The following MYO16 variants were observed in gnomAD, a reference collection of about 807,000 sequenced individuals.
MYO16 encodes unconventional myosin-XVI.
In MYO16, 94 loss-of-function variants were observed where a neutral mutation model predicts 205.3. The observed-to-expected ratio is 0.46, with a 90% CI of 0.39 to 0.54. The LOEUF (loss-of-function observed/expected upper bound fraction) is 0.54. Among genes scored for constraint, MYO16 ranks in the 20% least tolerant of loss-of-function variants. The pLI, the probability that MYO16 is intolerant of heterozygous loss-of-function variation, is 0.00. For synonymous variants in MYO16, 988 were observed against 954.0 expected, an observed-to-expected ratio of 1.04 and a Z score of -0.66; for missense variants, 2,315 against 2,387.5, an observed-to-expected ratio of 0.97 and a Z score of 0.63.
chr13:109,071,267 T>A (rs9301346), intron 27 of MYO16, among the ~76,000 whole-genome samples: 74,820 of 151,964 alleles, frequency 0.49, 18,510 homozygotes, highest in Middle Eastern at 0.54. Flanking sequence ...TTTTATAAGT[T>A]CCCAACTACT....
intron 15 of MYO16, among the ~76,000 whole-genome samples, chr13:108,898,351 AGTGTGTGTGTGTGTGTGTGTGT>A (rs3042037): frequency 3.4e-5 from 5 of 144,992 alleles, no homozygotes; most frequent in Admixed American, 1.4e-4. Flanking sequence ...AGGGTGTGTG[AGTGTGTGTGTGTGTGTGTGTGT>A]GTGTGTGTGT....
chr13:109,000,205 C>T (rs1185509322), intron 21 of MYO16, among the ~76,000 whole-genome samples: 1 of 152,150 alleles, frequency 6.6e-6, no homozygotes, highest in African/African-American at 2.4e-5. Flanking sequence ...AAGCTCCAAT[C>T]CCAGATACGT....
chr13:109,151,757 GAAGT>G (rs1234672826), intron 32 of MYO16, among the ~76,000 whole-genome samples: 1 of 152,212 alleles, frequency 6.6e-6, no homozygotes, highest in African/African-American at 2.4e-5. Context: ...AAACTGGGAA[GAAGT>G]AAGTGAAAAT....
chr13:108,707,618 T>C (rs1883561591), intron 2 of MYO16, among the ~76,000 whole-genome samples: 1 of 152,292 alleles, frequency 6.6e-6, no homozygotes, highest in Non-Finnish European at 1.5e-5. Flanking sequence ...TGAGGGATCC[T>C]GTGGGACATG....
At chr13:108,611,044 A>G (rs1879155597) in intron 1 of MYO16, among the ~76,000 whole-genome samples, 1 of 152,238 alleles carries the variant, frequency 6.6e-6, no homozygotes, top group Non-Finnish European at 1.5e-5. Context: ...TTTAAAAATT[A>G]AAGATATCCA....
chr13:108,872,012 A>G (rs377359479), intron 12 of MYO16, among the ~76,000 whole-genome samples: 2 of 152,164 alleles, frequency 1.3e-5, no homozygotes, highest in Admixed American at 6.5e-5. Context: ...TTTTTATTGC[A>G]TTGGTGTCAG....
At chr13:108,935,308 T>C (rs937231991) in intron 16 of MYO16, among the ~76,000 whole-genome samples, 5 of 152,198 alleles carry the variant, frequency 3.3e-5, no homozygotes, top group African/African-American at 1.2e-4. Context: ...AGCAGTGTTT[T>C]GTAGTTACCC....
chr13:109,156,456 T>C (rs1383329816), intron 32 of MYO16, among the ~76,000 whole-genome samples: 1 of 152,216 alleles, frequency 6.6e-6, no homozygotes, highest in East Asian at 1.9e-4. Flanking sequence ...GTTTAAAATG[T>C]ATTTTCACAT....
In MYO16 at chr13:109,022,524, T is replaced by TTCTAC. The variant is rs1167092377; in HGVS notation, c.2796+2613_2796+2614insTCTAC. ...TAAACATATGTATATATTTGTTATA[T>TTCTAC]ATACAATATAAACATATGTATATAT... On this transcript the variant is annotated intron_variant, in intron 23 of 34. Transcript: ENST00000457511. Among the ~76,000 whole-genome samples, 66 of 132,968 alleles carry TTCTAC rather than the reference T, an allele frequency of 5.0e-4. 1 individual carries two copies. Among genetic ancestry groups the TTCTAC allele is most frequent in the African/African-American group, 1.7e-3 (62 of 35,564 alleles). 87.2% of individuals were successfully genotyped at this position (132,968 alleles called of 152,430 possible).
At chr13:108,780,630 C>T (rs865813486) in intron 4 of MYO16, among the ~76,000 whole-genome samples, 5 of 152,170 alleles carry the variant, frequency 3.3e-5, no homozygotes, top group African/African-American at 4.8e-5. Context: ...AATTGCCGTA[C>T]AAATTATAAT....
intron 6 of MYO16, among the ~76,000 whole-genome samples, chr13:108,800,013 C>T (rs961327539): frequency 6.6e-6 from 1 of 152,174 alleles, no homozygotes; most frequent in South Asian, 2.1e-4. Context: ...TTGGATCCCA[C>T]CCGCCCGCCA....
chr13:108,776,630 G>A (rs7995769), intron 4 of MYO16, among the ~76,000 whole-genome samples: 9,135 of 152,160 alleles, frequency 0.06, 891 homozygotes, highest in African/African-American at 0.21. Context: ...GCCCTCCTGA[G>A]TTTTAATATC....
chr13:108,990,516 G>GA (rs5806773), intron 20 of MYO16, among the ~76,000 whole-genome samples: 37,674 of 151,210 alleles, frequency 0.25, 4,808 homozygotes, highest in Middle Eastern at 0.29. Context: ...ACTGAAATCA[G>GA]AAAAAAAAAT....
the MYO16 span, among the ~76,000 whole-genome samples, chr13:108,542,079 AG>A: frequency 6.6e-6 from 1 of 152,172 alleles, no homozygotes; most frequent in Non-Finnish European, 1.5e-5. Flanking sequence ...CATCAACACT[AG>A]ACTGGATAAA....
chr13:108,908,987 A>AAAAG, intron 15 of MYO16, among the ~76,000 whole-genome samples: 2 of 148,840 alleles, frequency 1.3e-5, no homozygotes, highest in East Asian at 4.0e-4. Context: ...AAAATAAAAT[A>AAAAG]AAATAAATAA....
At chr13:108,688,617 A>C (rs78188551) in intron 2 of MYO16, among the ~76,000 whole-genome samples, 4,140 of 152,200 alleles carry the variant, frequency 0.027, 180 homozygotes, top group African/African-American at 0.095. Context: ...CTTCATAAAT[A>C]GATGTTATTT....
chr13:108,894,750 G>A (rs1269657698), intron 14 of MYO16, among the ~76,000 whole-genome samples: 1 of 152,194 alleles, frequency 6.6e-6, no homozygotes, highest in Non-Finnish European at 1.5e-5. Context: ...TACCCACTGG[G>A]TAGATGGACG....
chr13:108,591,421 T>C (rs943837716), upstream of MYO16, among the ~76,000 whole-genome samples: 3 of 148,008 alleles, frequency 2.0e-5, no homozygotes, highest in African/African-American at 5.0e-5. Context: ...CAACACAAAA[T>C]ATTAATTCAC....
chr13:108,575,949 G>A, the MYO16 span, among the ~76,000 whole-genome samples: 3 of 151,940 alleles, frequency 2.0e-5, no homozygotes, highest in African/African-American at 7.3e-5. Context: ...GGCAACTGAG[G>A]GCCTATGAGA....
Sources: allele counts gnomAD v4.1 joint callset (sites outside exome capture counted in the v4.1 genomes callset), GRCh38; gene constraint gnomAD v4.1.1; transcripts MANE v1.5; gene names NCBI Gene and HGNC (gene_info 2026-07-23, HGNC 2026-07-21).